RABEP1: variants seen among roughly 807,000 people sequenced by gnomAD.
RABEP1 encodes rabaptin, RAB GTPase binding effector protein 1.
RABEP1 carries 51 observed loss-of-function variants against 123.4 expected under a neutral mutation model. The ratio of observed to expected loss-of-function variants is 0.41; its 90% CI spans 0.33 to 0.52. The LOEUF (loss-of-function observed/expected upper bound fraction) is 0.52. Among genes scored for constraint, RABEP1 ranks in the 20% least tolerant of loss-of-function variants. The probability of loss-of-function intolerance (pLI) is 0.16; values close to 1 mark genes in which losing one functional copy is unlikely to be tolerated. For synonymous variants in RABEP1, 347 were observed against 355.2 expected, an observed-to-expected ratio of 0.98 and a Z score of 0.26; for missense variants, 888 against 996.3, an observed-to-expected ratio of 0.89 and a Z score of 1.46.
At chr17:5,347,614 T>G (rs1005135344) in intron 6 of RABEP1, among the ~76,000 whole-genome samples, 2 of 152,128 alleles carry the variant, frequency 1.3e-5, no homozygotes, top group African/African-American at 4.8e-5. Context: ...AACACTCTGT[T>G]TTTAAGGGGA....
At chr17:5,323,335 AG>A (rs1439789071) in intron 2 of RABEP1, among the ~76,000 whole-genome samples, 1 of 152,168 alleles carries the variant, frequency 6.6e-6, no homozygotes, top group Admixed American at 6.5e-5. Context: ...TATTTAATAT[AG>A]TATTGGAAAT....
intron 1 of RABEP1, among the ~76,000 whole-genome samples, chr17:5,286,409 G>A (rs1365628435): frequency 2.0e-5 from 3 of 152,114 alleles, no homozygotes; most frequent in Admixed American, 6.6e-5. Context: ...CAGAAGAACC[G>A]CTTGAACCCG....
chr17:5,379,483 T>C (rs1040954818), intron 15 of RABEP1, among the ~76,000 whole-genome samples: 1 of 151,960 alleles, frequency 6.6e-6, no homozygotes, highest in Non-Finnish European at 1.5e-5. Flanking sequence ...TACCACTCTT[T>C]CTTCCTCCCT....
chr17:5,348,079 G>C (rs1908223338), intron 6 of RABEP1, among the ~76,000 whole-genome samples: 1 of 152,104 alleles, frequency 6.6e-6, no homozygotes, highest in Non-Finnish European at 1.5e-5. Flanking sequence ...CTGGGTTCAA[G>C]TGATTCTCCT....
Position 5,368,342 on chromosome 17 carries a change from A to G in RABEP1, c.1786-28A>G, listed in dbSNP as rs1910254918. The G allele has an allele frequency of 3.5e-6, 5 of 1,440,198 alleles. No homozygotes were observed. In the South Asian group the frequency reaches 3.6e-5, roughly 10 times the overall value. The allele number at this position is 1,440,198 out of a possible 1,614,324, so 89.2% of individuals were successfully genotyped here. ...TTTCAGAATAACCGATTTCCTAACTATGTTTCTATACATGTGTTTTTTTAA... is the reference window on the plus strand; with the variant it reads ...TTTCAGAATAACCGATTTCCTAACTGTGTTTCTATACATGTGTTTTTTTAA... On this transcript the variant is annotated intron_variant, in intron 11 of 17. Coordinates refer to ENST00000537505, the MANE Select transcript of RABEP1 (RefSeq NM_004703.6).
intron 2 of RABEP1, 144 bp downstream of exon 2, chr17:5,308,966 G>T: frequency 2.3e-6 from 2 of 876,582 alleles, no homozygotes; most frequent in East Asian, 3.1e-5. Flanking sequence ...TTAAAGGCTA[G>T]GTTAAGAATG....
intron 17 of RABEP1, 127 bp from the exon 18 acceptor site, chr17:5,382,995 C>A: frequency 1.4e-6 from 1 of 707,422 alleles, no homozygotes; most frequent in Admixed American, 2.5e-5. Flanking sequence ...TTTAATTGTT[C>A]TTGCTGTCTC....
rs1461429434 is a variant in RABEP1 at position 5,377,441 on chromosome 17, G to T, written c.2215+136G>T. The T allele has an allele frequency of 4.3e-5, 21 of 491,136 alleles. No homozygotes were observed. The East Asian group carries it at 7.7e-4, about 18-fold the overall frequency. The allele number at this position is 491,136 out of a possible 1,614,324, so 30.4% of individuals were successfully genotyped here. A position where few individuals can be genotyped will look rare whatever the true frequency, so the allele number is the denominator to read the frequency against. ...TTAGTAAGGACTCAGTCCATTTTTT[G>T]TAGATATTCTGATATATTCAGATTC... is the stretch of plus-strand genomic sequence containing the variant. On this transcript the variant is annotated intron_variant, in intron 14 of 17. Coordinates refer to ENST00000537505, the MANE Select transcript of RABEP1 (RefSeq NM_004703.6).
At chr17:5,353,041 C>T (rs1401580515) in intron 7 of RABEP1, among the ~76,000 whole-genome samples, 2 of 152,130 alleles carry the variant, frequency 1.3e-5, no homozygotes, top group South Asian at 2.1e-4. Flanking sequence ...CAGGCTGAGA[C>T]GTCATGTATG....
chr17:5,362,746 A>AT (rs1303558198), intron 9 of RABEP1, among the ~76,000 whole-genome samples, 166 bp from the exon 10 acceptor site: 2 of 152,130 alleles, frequency 1.3e-5, no homozygotes. Flanking sequence ...GGAGAGTTTG[A>AT]TTTTTTAGAA....
intron 12 of RABEP1, 79 bp downstream of exon 12, chr17:5,368,547 A>T: frequency 9.6e-7 from 1 of 1,042,214 alleles, no homozygotes; most frequent in Non-Finnish European, 1.5e-6. Context: ...CATCTTTGAT[A>T]GGAATTTATC....
Position 5,297,364 on chromosome 17 carries a change from G to A in RABEP1, c.35-11330G>A, listed in dbSNP as rs185808494. Among the ~76,000 whole-genome samples the A allele has an allele frequency of 5.9e-5, 9 of 152,186 alleles. No homozygotes were observed. In the East Asian group the frequency reaches 1.4e-3, roughly 23 times the overall value. On this transcript the variant is annotated intron_variant, in intron 1 of 17. Coordinates refer to ENST00000537505, the MANE Select transcript of RABEP1 (RefSeq NM_004703.6). ...ATACAGATTGCTTACAGATTTCAACGTATAAATGAACAGTGTGACTGCATA... is the reference window on the plus strand; with the variant it reads ...ATACAGATTGCTTACAGATTTCAACATATAAATGAACAGTGTGACTGCATA...
chr17:5,385,738 A>AC lies in RABEP1; in HGVS notation c.*2517dup. ...CTGCTCTCAGCAGATTTCAGGTGTA[A>AC]CCATTTGTTAACTGTACTGAAGGTG... is the stretch of plus-strand genomic sequence containing the variant. On this transcript the variant is annotated 3_prime_UTR_variant, in exon 18 of 18. Coordinates refer to ENST00000537505, the MANE Select transcript of RABEP1 (RefSeq NM_004703.6). 4.3e-6 allele frequency: 1 copy of AC among 231,540 alleles called. No homozygotes were observed. Among genetic ancestry groups the AC allele is most frequent in the Admixed American group, 5.6e-5 (1 of 17,740 alleles). The allele number at this position is 231,540 out of a possible 1,614,324, so 14.3% of individuals were successfully genotyped here.
chr17:5,288,891 A>T lies in RABEP1; in HGVS notation c.34+6371A>T, dbSNP rs553229668. The stretch of plus-strand genomic sequence containing the variant: ...GCTCATTTTTTTGTATATTTAGTAG[A>T]GACAGGGTTTCACCATGTTGGCCGG... On this transcript the variant is annotated intron_variant, in intron 1 of 17. Transcript: ENST00000537505. Among the ~76,000 whole-genome samples, 6 of 151,846 alleles carry T rather than the reference A, an allele frequency of 4.0e-5. No homozygotes were observed. In the East Asian group the frequency reaches 1.2e-3, roughly 29 times the overall value.
chr17:5,337,120 T>C (rs1907166850), intron 4 of RABEP1, among the ~76,000 whole-genome samples: 1 of 152,222 alleles, frequency 6.6e-6, no homozygotes, highest in South Asian at 2.1e-4. Flanking sequence ...GTAAGTTGGT[T>C]CCTTTTAATC....
At chr17:5,316,855 A>AAAAT (rs2075302656) in intron 2 of RABEP1, among the ~76,000 whole-genome samples, 2 of 139,378 alleles carry the variant, frequency 1.4e-5, no homozygotes, top group African/African-American at 5.4e-5. Context: ...AAAAAAAAAA[A>AAAAT]ATATAAGAAA....
chr17:5,376,024 CACCATGTCTGGCT>C (rs1390617715), intron 13 of RABEP1, among the ~76,000 whole-genome samples: 2 of 152,088 alleles, frequency 1.3e-5, no homozygotes, highest in Non-Finnish European at 2.9e-5. Context: ...AGGTGTGTGC[CACCATGTCTGGCT>C]ACCATGTTGG....
chr17:5,298,133 C>T (rs548537813), intron 1 of RABEP1, among the ~76,000 whole-genome samples: 8 of 152,212 alleles, frequency 5.3e-5, no homozygotes, highest in African/African-American at 1.9e-4. Flanking sequence ...AGCCAACTTT[C>T]CTTGTAAATA....
chr17:5,369,768 T>TC (rs996600784), intron 12 of RABEP1, among the ~76,000 whole-genome samples: 44 of 152,024 alleles, frequency 2.9e-4, no homozygotes, highest in African/African-American at 8.4e-4. Context: ...TGGCGCAATC[T>TC]CGGCTCACTG....
Sources: allele counts gnomAD v4.1 joint callset (sites outside exome capture counted in the v4.1 genomes callset), GRCh38; gene constraint gnomAD v4.1.1; transcripts MANE v1.5; gene names NCBI Gene and HGNC (gene_info 2026-07-23, HGNC 2026-07-21).